SPRED1: variants seen among roughly 807,000 people sequenced by gnomAD.
SPRED1 encodes sprouty-related, EVH1 domain-containing protein 1.
SPRED1 carries 18 observed loss-of-function variants against 52.3 expected under a neutral mutation model. That is an observed-to-expected ratio of 0.34 (90% confidence interval 0.24 to 0.51). The LOEUF is 0.51. SPRED1 is among the 20% of genes least tolerant of loss of function. The pLI, the probability that SPRED1 is intolerant of heterozygous loss-of-function variation, is 0.97. For missense variants in SPRED1, 485 were observed against 551.0 expected (o/e 0.88, Z 1.20); for synonymous variants, 155 against 179.7 (o/e 0.86, Z 1.10).
At chr15:38,287,054 T>C (rs1167478766) in intron 1 of SPRED1, among the ~76,000 whole-genome samples, 1 of 152,188 alleles carries the variant, frequency 6.6e-6, no homozygotes, top group Admixed American at 6.5e-5. Flanking sequence ...ATGTCTTATG[T>C]AATAATGCAG....
At chr15:38,320,538 A>G (rs1241669892) in intron 2 of SPRED1, among the ~76,000 whole-genome samples, 2 of 152,100 alleles carry the variant, frequency 1.3e-5, no homozygotes, top group African/African-American at 4.8e-5. Flanking sequence ...TGCAATTACT[A>G]TTAGTAATTC....
chr15:38,271,979 C>T (rs969062033), intron 1 of SPRED1, among the ~76,000 whole-genome samples: 1 of 152,116 alleles, frequency 6.6e-6, no homozygotes, highest in Non-Finnish European at 1.5e-5. Flanking sequence ...CAATATTTGG[C>T]TCCCCCTTGT....
intron 4 of SPRED1, among the ~76,000 whole-genome samples, chr15:38,338,163 A>C (rs765612038): frequency 6.6e-6 from 1 of 150,734 alleles, no homozygotes; most frequent in Non-Finnish European, 1.5e-5. Context: ...GTGAGCCGAG[A>C]TTGCATCACT....
chr15:38,337,979 T>A (rs938719777), intron 4 of SPRED1, among the ~76,000 whole-genome samples: 1 of 144,136 alleles, frequency 6.9e-6, no homozygotes, highest in Admixed American at 7.2e-5. Flanking sequence ...GGCGGGTGGA[T>A]CACTTGAAGT....
In SPRED1 at chr15:38,324,731, T is replaced by A. The variant is rs375647156; in HGVS notation, c.377-32T>A. On this transcript the variant is annotated intron_variant, in intron 3 of 6. Coordinates refer to ENST00000299084, the MANE Select transcript of SPRED1 (RefSeq NM_152594.3). ...ATACTGGACTCTAAGACAAAAATTC[T>A]ATACTTAATTAACTTTTATCTATTT... 186 of 1,553,270 alleles carry A rather than the reference T, an allele frequency of 1.2e-4. No homozygotes were observed. In the African/African-American group the frequency reaches 2.1e-3, roughly 18 times the overall value.
intron 1 of SPRED1, among the ~76,000 whole-genome samples, chr15:38,281,717 A>G (rs1894693137): frequency 1.3e-5 from 2 of 151,942 alleles, no homozygotes; most frequent in African/African-American, 2.4e-5. Flanking sequence ...TATGCATGTC[A>G]TACACTGCTC....
At chr15:38,309,716 A>G (rs554608928) in intron 2 of SPRED1, among the ~76,000 whole-genome samples, 29 of 152,210 alleles carry the variant, frequency 1.9e-4, no homozygotes, top group African/African-American at 5.5e-4. Context: ...TGAAAGTTTT[A>G]TATAATAGTT....
At chr15:38,316,825 A>G (rs572238746) in intron 2 of SPRED1, among the ~76,000 whole-genome samples, 1 of 135,414 alleles carries the variant, frequency 7.4e-6, no homozygotes, top group African/African-American at 2.8e-5. Context: ...TGAAAAGTTC[A>G]AAAAGTTCTA....
chr15:38,260,109 G>T (rs1269023333), intron 1 of SPRED1, among the ~76,000 whole-genome samples: 2 of 152,182 alleles, frequency 1.3e-5, no homozygotes, highest in African/African-American at 4.8e-5. Flanking sequence ...TTTTATTGCT[G>T]CTTTAACAAC....
chr15:38,272,568 C>T (rs146886926), intron 1 of SPRED1, among the ~76,000 whole-genome samples: 1 of 152,238 alleles, frequency 6.6e-6, no homozygotes, highest in African/African-American at 2.4e-5. Flanking sequence ...CTGTGCCCGA[C>T]CTCGAATGGT....
chr15:38,301,661 GA>G (rs1895151089), intron 2 of SPRED1, among the ~76,000 whole-genome samples: 2 of 152,112 alleles, frequency 1.3e-5, no homozygotes, highest in South Asian at 4.2e-4. Flanking sequence ...CGGTGATATT[GA>G]AATGAGATTA....
intron 1 of SPRED1, among the ~76,000 whole-genome samples, chr15:38,292,195 T>C (rs1566857405): frequency 6.6e-6 from 1 of 152,188 alleles, no homozygotes; most frequent in South Asian, 2.1e-4. Context: ...GATTCAGCTT[T>C]GCTCCAGTTC....
At chr15:38,338,466 A>G (rs142588585) in intron 4 of SPRED1, among the ~76,000 whole-genome samples, 60 of 152,230 alleles carry the variant, frequency 3.9e-4, no homozygotes, top group East Asian at 2.3e-3. Flanking sequence ...CTGGGTATCA[A>G]TGTTTAGCCA....
intron 1 of SPRED1, among the ~76,000 whole-genome samples, chr15:38,291,800 GT>G (rs1894929466): frequency 6.6e-6 from 1 of 152,178 alleles, no homozygotes; most frequent in African/African-American, 2.4e-5. Context: ...TGTGAGACCA[GT>G]TTTTCCTCCT....
intron 1 of SPRED1, among the ~76,000 whole-genome samples, chr15:38,275,817 C>T (rs1307028389): frequency 1.3e-5 from 2 of 152,180 alleles, no homozygotes; most frequent in African/African-American, 4.8e-5. Context: ...TATTAACCCT[C>T]TTTACAGTTG....
At chr15:38,266,597 G>A (rs1411555251) in intron 1 of SPRED1, among the ~76,000 whole-genome samples, 1 of 152,184 alleles carries the variant, frequency 6.6e-6, no homozygotes, top group Non-Finnish European at 1.5e-5. Flanking sequence ...AGCCAAGATC[G>A]TGCACTGTGC....
At chr15:38,281,150 G>A (rs1894678695) in intron 1 of SPRED1, among the ~76,000 whole-genome samples, 1 of 152,170 alleles carries the variant, frequency 6.6e-6, no homozygotes, top group African/African-American at 2.4e-5. Context: ...ACTAGAATCA[G>A]TGGATGAAAG....
At position 38,324,753 on chromosome 15, in the gene SPRED1, A is replaced by G. The variant is rs376134678; in HGVS notation, c.377-10A>G. 89 of 1,599,000 alleles carry G rather than the reference A, an allele frequency of 5.6e-5. No individual in the cohort carries two copies. The African/African-American group carries it at 9.4e-4, about 17-fold the overall frequency. On this transcript the variant is annotated splice_polypyrimidine_tract_variant and intron_variant, in intron 3 of 6. Transcript: ENST00000299084. Reference sequence around the variant, plus strand: ...TTCTATACTTAATTAACTTTTATCTATTTTCTTAGGATGCCCCGAATCAAA... The same window carrying G: ...TTCTATACTTAATTAACTTTTATCTGTTTTCTTAGGATGCCCCGAATCAAA...
chr15:38,300,863 C>T (rs1400946204), intron 2 of SPRED1, among the ~76,000 whole-genome samples: 10 of 152,020 alleles, frequency 6.6e-5, no homozygotes, highest in African/African-American at 2.2e-4. Context: ...TCTAAGAAGG[C>T]GCCTATGATG....
Sources: allele counts gnomAD v4.1 joint callset (sites outside exome capture counted in the v4.1 genomes callset), GRCh38; gene constraint gnomAD v4.1.1; transcripts MANE v1.5; gene names NCBI Gene and HGNC (gene_info 2026-07-23, HGNC 2026-07-21).